Variants in DIRAS1 observed in about 807,000 individuals in gnomAD.
The protein encoded by DIRAS1 is DIRAS family GTPase 1.
DIRAS1 carries 3 observed loss-of-function variants against 11.5 expected under a neutral mutation model. The observed-to-expected ratio is 0.26, with a 90% confidence interval of 0.12 to 0.67. The LOEUF is 0.67. DIRAS1 is among the 30% of genes least tolerant of loss of function. The pLI, the probability that DIRAS1 is intolerant of heterozygous loss-of-function variation, is 0.80. For synonymous variants in DIRAS1, 128 were observed against 125.8 expected, an observed-to-expected ratio of 1.02 and a Z score of -0.12; for missense variants, 212 against 285.3, an observed-to-expected ratio of 0.74 and a Z score of 1.85.
chr19:2,720,454 C>A lies in DIRAS1; in HGVS notation c.-70+850G>T, dbSNP rs564607042. Among the ~76,000 whole-genome samples, 190 of 152,290 alleles carry A rather than the reference C, an allele frequency of 1.2e-3. 2 individuals carry two copies. In the East Asian group the frequency reaches 0.02, roughly 16 times the overall value. ...GGGTGGAGGGAGGGGGTCGTGGGCA[C>A]CGAGGCAGGAGCAGGAGGGGCTGGC... On this transcript the variant is annotated intron_variant, in intron 1 of 1. Transcript: ENST00000323469.
In DIRAS1 at chr19:2,719,630, G is replaced by C. The variant is rs1442900877; in HGVS notation, c.-70+1674C>G. The stretch of plus-strand genomic sequence containing the variant: ...TTCCCCAGCAAGGTGGTCTACAGTG[G>C]GAGAGGAGGAGGAACCAGTTTCTAC... On this transcript the variant is annotated intron_variant, in intron 1 of 1. Coordinates refer to ENST00000323469, the MANE Select transcript of DIRAS1 (RefSeq NM_145173.4). Among the ~76,000 whole-genome samples the C allele has an allele frequency of 2.0e-5, 3 of 151,942 alleles. No individual in the cohort carries two copies. In the East Asian group the frequency reaches 5.8e-4, roughly 29 times the overall value.
At chr19:2,720,806 A>C (rs59153058) in intron 1 of DIRAS1, among the ~76,000 whole-genome samples, 13,755 of 151,660 alleles carry the variant, frequency 0.091, 2,102 homozygotes, top group African/African-American at 0.32. Flanking sequence ...TTTGATGGAG[A>C]AAGGGCCTGC....
At position 2,716,950 on chromosome 19, in the gene DIRAS1, A is replaced by C. The variant is rs554656240; in HGVS notation, c.*260T>G. ...CATCCTGTTTTCCCATCTGCAGGACAAGGGGGCCACCTCCGGCTCTTGGTT... is the reference window on the plus strand; with the variant it reads ...CATCCTGTTTTCCCATCTGCAGGACCAGGGGGCCACCTCCGGCTCTTGGTT... On this transcript the variant is annotated 3_prime_UTR_variant, in exon 2 of 2. Transcript: ENST00000323469. The C allele has an allele frequency of 8.9e-6, 4 of 448,262 alleles. No individual in the cohort carries two copies. Among genetic ancestry groups the C allele is most frequent in the Admixed American group, 3.8e-5 (1 of 26,376 alleles). The allele number at this position is 448,262 out of a possible 1,614,324, so 27.8% of individuals were successfully genotyped here.
At position 2,718,173 on chromosome 19, in the gene DIRAS1, C is replaced by A. The variant is rs566935371; in HGVS notation, c.-69-298G>T. The stretch of plus-strand genomic sequence containing the variant: ...CGGGATGCCCACGAAACTCCTTCCC[C>A]GGGTGTGGGTGTCCCTTCCAGGCTG... On this transcript the variant is annotated intron_variant, in intron 1 of 1. Transcript: ENST00000323469. This position sits in a 1 kb window ranked among gnomAD's most constrained non-coding sequence, Gnocchi z 4.2. Among the ~76,000 whole-genome samples, 2 of 152,210 alleles carry A rather than the reference C, an allele frequency of 1.3e-5. No homozygotes were observed. The highest frequency in any genetic ancestry group is 2.9e-5 in the Non-Finnish European group (2 of 68,036).
rs370970104 is a variant in DIRAS1 at position 2,717,040 on chromosome 19, T to C, written c.*170A>G. ...AGGGGAGGAAGAAAAGCCCCAGCCC[T>C]GCCTCGGGGTGGGCAGGGGCAGCGG... On this transcript the variant is annotated 3_prime_UTR_variant, in exon 2 of 2. Transcript: ENST00000323469. The C allele has an allele frequency of 2.1e-3, 1,401 of 658,480 alleles. 15 individuals are homozygous for C. Among genetic ancestry groups the C allele is most frequent in the African/African-American group, 0.021 (1,069 of 51,522 alleles). The allele number at this position is 658,480 out of a possible 1,614,324, so 40.8% of individuals were successfully genotyped here. A position where few individuals can be genotyped will look rare whatever the true frequency, so the allele number is the denominator to read the frequency against.
At chr19:2,717,952 G>A in intron 1 of DIRAS1, 77 bp from the exon 2 acceptor site, 1 of 827,114 alleles carries the variant, frequency 1.2e-6, no homozygotes, top group Non-Finnish European at 1.8e-6. Context: ...GGAGGGAGGA[G>A]GACATGGCGG....
intron 1 of DIRAS1, chr19:2,719,225 G>A (rs1189110185): frequency 6.6e-6 from 1 of 152,182 alleles, no homozygotes; most frequent in Non-Finnish European, 1.5e-5. Context: ...ATTCCCAATA[G>A]CCGCCCCAGG....
chr19:2,718,956 G>A lies in DIRAS1; in HGVS notation c.-69-1081C>T, dbSNP rs1363653462. Among the ~76,000 whole-genome samples the A allele has an allele frequency of 6.6e-6, 1 of 152,014 alleles. No individual in the cohort carries two copies. Among genetic ancestry groups the A allele is most frequent in the African/African-American group, 2.4e-5 (1 of 41,362 alleles). The stretch of plus-strand genomic sequence containing the variant: ...CTGCCTCAGCCTCCAGAGTAGCTGG[G>A]ATTACAGGCATGCACCACCACACCC... On this transcript the variant is annotated intron_variant, in intron 1 of 1. Coordinates refer to ENST00000323469, the MANE Select transcript of DIRAS1 (RefSeq NM_145173.4). This position sits in a 1 kb window ranked among gnomAD's most constrained non-coding sequence, Gnocchi z 4.2.
rs1301580427 is a variant in DIRAS1, at chr19:2,717,710, G to A, written c.97C>T (p.Arg33Cys). 3 of 1,609,612 alleles carry A rather than the reference G, an allele frequency of 1.9e-6. No individual in the cohort carries two copies. The highest frequency in any genetic ancestry group is 2.2e-5 in the East Asian group (1 of 44,896). ...LVLRFVKGTF[R>C]DTYIPTIEDT... is the part of the protein sequence containing the mutation. ...TCGATGGTGGGGATGTAGGTGTCGC[G>A]GAACGTGCCCTTCACGAAGCGCAGC... The change falls in exon 2 of 2, where the codon CGC becomes TGC. Residue 33 changes from arginine (R) to cysteine (C), a missense_variant. Around this residue, in one of 2 missense-constraint regions of DIRAS1, gnomAD observed 128 missense variants for 205.3 expected, o/e 0.62. Coordinates refer to ENST00000323469, the MANE Select transcript of DIRAS1 (RefSeq NM_145173.4).
In DIRAS1 at chr19:2,716,019, G is replaced by T. The variant is rs960995487; in HGVS notation, c.*1191C>A. ...ATATCATCCCAGACAGACACACACA[G>T]GTATACACGCAGATGCACTTAGATA... On this transcript the variant is annotated 3_prime_UTR_variant, in exon 2 of 2. Transcript: ENST00000323469. 6.6e-6 allele frequency: 1 copy of T among 152,294 alleles called. No individual in the cohort carries two copies. The highest frequency in any genetic ancestry group is 1.5e-5 in the Non-Finnish European group (1 of 68,116). 9.4% of individuals were successfully genotyped at this position (152,294 alleles called of 1,614,324 possible).
rs1913820341 is a variant in DIRAS1, at chr19:2,716,967, C to T, written c.*243G>A. 2 of 480,582 alleles carry T rather than the reference C, an allele frequency of 4.2e-6. No homozygotes were observed. The highest frequency in any genetic ancestry group is 3.9e-5 in the African/African-American group (2 of 51,264). The allele number at this position is 480,582 out of a possible 1,614,324, so 29.8% of individuals were successfully genotyped here. ...TGCAGGACAAGGGGGCCACCTCCGGCTCTTGGTTTTGGAGGGTACAGACAG... is the reference window on the plus strand; with the variant it reads ...TGCAGGACAAGGGGGCCACCTCCGGTTCTTGGTTTTGGAGGGTACAGACAG... On this transcript the variant is annotated 3_prime_UTR_variant, in exon 2 of 2. Coordinates refer to ENST00000323469, the MANE Select transcript of DIRAS1 (RefSeq NM_145173.4).
In DIRAS1 at chr19:2,719,704, C is replaced by T. The variant is rs573431207; in HGVS notation, c.-70+1600G>A. Among the ~76,000 whole-genome samples the T allele has an allele frequency of 2.0e-5, 3 of 152,058 alleles. No individual in the cohort carries two copies. The South Asian group carries it at 6.2e-4, about 32-fold the overall frequency. On this transcript the variant is annotated intron_variant, in intron 1 of 1. Coordinates refer to ENST00000323469, the MANE Select transcript of DIRAS1 (RefSeq NM_145173.4). ...TGTTTATGGGGAGGGTCCAGAGGTTCCCCGGGGGTCAGTGGTTTGAACCTA... is the reference window on the plus strand; with the variant it reads ...TGTTTATGGGGAGGGTCCAGAGGTTTCCCGGGGGTCAGTGGTTTGAACCTA...
At chr19:2,719,497 G>A (rs1167318311) in intron 1 of DIRAS1, among the ~76,000 whole-genome samples, 2 of 149,406 alleles carry the variant, frequency 1.3e-5, no homozygotes, top group Non-Finnish European at 3.0e-5. Flanking sequence ...TGGAGGTGGG[G>A]GAAGAACGCT....
rs747849569 is a variant in DIRAS1, at chr19:2,717,818, C to G, written c.-12G>C. ...CTCTGTTCCGGCATCTTCCCCGCGG[C>G]GGGTGGGCGGCCGGGGCCGGGAGGG... On this transcript the variant is annotated 5_prime_UTR_variant, in exon 2 of 2. Transcript: ENST00000323469. 8 of 1,579,016 alleles carry G rather than the reference C, an allele frequency of 5.1e-6. No homozygotes were observed. The highest frequency in any genetic ancestry group is 2.3e-5 in the East Asian group (1 of 44,286).
In DIRAS1 at chr19:2,717,096, C is replaced by A; in HGVS notation, c.*114G>T. 1 of 1,211,226 alleles carries A rather than the reference C, an allele frequency of 8.3e-7. No individual in the cohort carries two copies. The highest frequency in any genetic ancestry group is 1.1e-6 in the Non-Finnish European group (1 of 881,708). 75.0% of individuals were successfully genotyped at this position (1,211,226 alleles called of 1,614,324 possible). A position where few individuals can be genotyped will look rare whatever the true frequency, so the allele number is the denominator to read the frequency against. On this transcript the variant is annotated 3_prime_UTR_variant, in exon 2 of 2. Transcript: ENST00000323469. ...GGGGCGGTGGCCTCGGTTTCCCCAGCCGAGGTGTCGGAGGAAGGATGAGAG... is the reference window on the plus strand; with the variant it reads ...GGGGCGGTGGCCTCGGTTTCCCCAGACGAGGTGTCGGAGGAAGGATGAGAG...
rs1415178558 is a variant in DIRAS1, at chr19:2,715,016, G to A, written c.*2194C>T. On this transcript the variant is annotated 3_prime_UTR_variant, in exon 2 of 2. Transcript: ENST00000323469. ...CCTGGGCCAGCCCAAGTTTTGGGGG[G>A]ACCCAGCTCTGCTCAGACACAATGC... The A allele has an allele frequency of 6.6e-6, 1 of 152,504 alleles. No individual in the cohort carries two copies. 9.4% of individuals were successfully genotyped at this position (152,504 alleles called of 1,614,324 possible). A position where few individuals can be genotyped will look rare whatever the true frequency, so the allele number is the denominator to read the frequency against.
Position 2,717,881 on chromosome 19 carries a change from C to A in DIRAS1, c.-69-6G>T, listed in dbSNP as rs1213802576. 4 of 1,454,664 alleles carry A rather than the reference C, an allele frequency of 2.7e-6. No individual in the cohort carries two copies. Among genetic ancestry groups the A allele is most frequent in the Non-Finnish European group, 3.7e-6 (4 of 1,088,480 alleles). The allele number at this position is 1,454,664 out of a possible 1,614,324, so 90.1% of individuals were successfully genotyped here. ...GCAAGAACCCCAGACCGAGCCTGTG[C>A]AGAGAGGAGGGTCACACGTCAAAGG... On this transcript the variant is annotated splice_region_variant and splice_polypyrimidine_tract_variant and intron_variant, in intron 1 of 1. Transcript: ENST00000323469.
rs539609618 is a variant in DIRAS1, at chr19:2,718,459, C to G, written c.-69-584G>C. Among the ~76,000 whole-genome samples, 2 of 152,228 alleles carry G rather than the reference C, an allele frequency of 1.3e-5. No homozygotes were observed. The highest frequency in any genetic ancestry group is 2.9e-5 in the Non-Finnish European group (2 of 68,042). ...AGATGCATATGTCAGGGCCGCAGCC[C>G]TAGGTGTGATGAATCGGTCGGCCAG... is the stretch of plus-strand genomic sequence containing the variant. On this transcript the variant is annotated intron_variant, in intron 1 of 1. Transcript: ENST00000323469. The surrounding 1 kb of genome is among the most constrained non-coding windows in gnomAD (Gnocchi z 4.2).
Position 2,717,162 on chromosome 19 carries a change from C to T in DIRAS1, c.*48G>A. ...AGGAGGGTGTCGGTGTTGGGGGAGG[C>T]AGCGGGGGTCAGTGGGGGTGGGCGG... On this transcript the variant is annotated 3_prime_UTR_variant, in exon 2 of 2. Coordinates refer to ENST00000323469, the MANE Select transcript of DIRAS1 (RefSeq NM_145173.4). 1.4e-6 allele frequency: 2 copies of T among 1,411,810 alleles called. No homozygotes were observed. Among genetic ancestry groups the T allele is most frequent in the Non-Finnish European group, 1.8e-6 (2 of 1,083,090 alleles). 87.5% of individuals were successfully genotyped at this position (1,411,810 alleles called of 1,614,324 possible). A position where few individuals can be genotyped will look rare whatever the true frequency, so the allele number is the denominator to read the frequency against.
Sources: allele counts gnomAD v4.1 joint callset (sites outside exome capture counted in the v4.1 genomes callset), GRCh38; gene constraint gnomAD v4.1.1; regional missense constraint gnomAD v4.1.1; non-coding constraint Gnocchi (gnomAD v3.1); transcripts MANE v1.5; gene names NCBI Gene and HGNC (gene_info 2026-07-23, HGNC 2026-07-21).